The following SLC71A2 variants were observed in gnomAD, a reference collection of about 807,000 sequenced individuals.
SLC71A2 encodes the protein hippocampus abundant transcript-like 1.
At chr9:94,388,219 T>C in the SLC71A2 span, among the ~76,000 whole-genome samples, 4 of 151,374 alleles carry the variant, frequency 2.6e-5, no homozygotes, top group African/African-American at 7.2e-5. Context: ...AAAAGAGTCA[T>C]AAAATGTGTG....
the SLC71A2 span, among the ~76,000 whole-genome samples, chr9:94,435,160 G>A: frequency 5.9e-5 from 9 of 152,152 alleles, no homozygotes; most frequent in Admixed American, 4.6e-4. Flanking sequence ...TGTCACACTT[G>A]GTTGGCTAAA....
At chr9:94,449,556 TTCTAG>T in the SLC71A2 span, among the ~76,000 whole-genome samples, 1 of 152,158 alleles carries the variant, frequency 6.6e-6, no homozygotes, top group East Asian at 1.9e-4. Flanking sequence ...ATTTCACATG[TTCTAG>T]GATGGCTATC....
chr9:94,459,508 A>G, the SLC71A2 span: 1 of 1,351,704 alleles, frequency 7.4e-7, no homozygotes, highest in South Asian at 1.4e-5. Flanking sequence ...GGGAGACGCT[A>G]GCGGCATCCT....
the SLC71A2 span, among the ~76,000 whole-genome samples, chr9:94,455,519 G>A: frequency 1.3e-5 from 2 of 151,662 alleles, no homozygotes; most frequent in Admixed American, 6.6e-5. Context: ...CTAGCCGTCT[G>A]TGACTTTTTA....
chr9:94,450,958 C>T, the SLC71A2 span, among the ~76,000 whole-genome samples: 1 of 152,154 alleles, frequency 6.6e-6, no homozygotes, highest in Non-Finnish European at 1.5e-5. Flanking sequence ...GGTCATACCG[C>T]CAGAGAGCCT....
the SLC71A2 span, among the ~76,000 whole-genome samples, chr9:94,429,699 G>A: frequency 3.3e-5 from 5 of 151,716 alleles, no homozygotes; most frequent in South Asian, 2.1e-4. Flanking sequence ...TCATTATGTC[G>A]ATTTTAATAT....
the SLC71A2 span, among the ~76,000 whole-genome samples, chr9:94,457,434 A>C: frequency 1.4e-5 from 2 of 147,912 alleles, no homozygotes; most frequent in African/African-American, 5.0e-5. Context: ...TATATTGGAA[A>C]GGATGGTTTA....
chr9:94,453,914 G>C, the SLC71A2 span: 1 of 1,262,864 alleles, frequency 7.9e-7, no homozygotes, highest in South Asian at 1.2e-5. Context: ...TTTTAATTCT[G>C]TGTGTTGATG....
the SLC71A2 span, among the ~76,000 whole-genome samples, chr9:94,455,035 C>CACAA: frequency 1.7e-4 from 26 of 151,840 alleles, no homozygotes; most frequent in South Asian, 8.3e-4. Flanking sequence ...TTACTTTGGA[C>CACAA]ACAAACAGAC....
the SLC71A2 span, among the ~76,000 whole-genome samples, chr9:94,443,558 T>C: frequency 4.6e-5 from 7 of 152,190 alleles, no homozygotes; most frequent in African/African-American, 1.4e-4. Context: ...GAGTTTGTTG[T>C]GGGGAAGTCA....
At chr9:94,434,733 A>ACT in the SLC71A2 span, among the ~76,000 whole-genome samples, 3 of 152,116 alleles carry the variant, frequency 2.0e-5, no homozygotes, top group East Asian at 5.8e-4. Flanking sequence ...ACTTATAATA[A>ACT]CTCTAACCAT....
At chr9:94,397,060 GT>G in the SLC71A2 span, among the ~76,000 whole-genome samples, 1 of 152,186 alleles carries the variant, frequency 6.6e-6, no homozygotes, top group East Asian at 1.9e-4. Flanking sequence ...GTGAGCCACC[GT>G]GCCCGGCCTC....
the SLC71A2 span, among the ~76,000 whole-genome samples, chr9:94,447,565 T>C: frequency 6.6e-6 from 1 of 151,532 alleles, no homozygotes; most frequent in African/African-American, 2.4e-5. Context: ...GATATAGAGA[T>C]TTCCCATATA....
chr9:94,425,253 G>A, the SLC71A2 span, among the ~76,000 whole-genome samples: 21 of 152,222 alleles, frequency 1.4e-4, no homozygotes, highest in South Asian at 8.3e-4. Context: ...GTGGTGAGCC[G>A]AGATCGTGCC....
At chr9:94,388,784 A>G in the SLC71A2 span, among the ~76,000 whole-genome samples, 11 of 152,078 alleles carry the variant, frequency 7.2e-5, no homozygotes, top group African/African-American at 1.7e-4. Flanking sequence ...CTTTATTTTC[A>G]TTTATACGTT....
chr9:94,446,224 A>G, the SLC71A2 span, among the ~76,000 whole-genome samples: 1 of 152,234 alleles, frequency 6.6e-6, no homozygotes, highest in Non-Finnish European at 1.5e-5. Context: ...GCTCTGTAGC[A>G]CTTTCCACTC....
the SLC71A2 span, chr9:94,415,374 C>T: frequency 1.4e-5 from 10 of 699,048 alleles, no homozygotes; most frequent in Admixed American, 2.2e-4. Context: ...TTTAAAACAG[C>T]TTGTTTCATT....
the SLC71A2 span, among the ~76,000 whole-genome samples, chr9:94,413,482 A>G: frequency 1.3e-5 from 2 of 152,058 alleles, no homozygotes; most frequent in Non-Finnish European, 1.5e-5. Context: ...ATGTACTCCT[A>G]TCAGTATTCG....
chr9:94,435,057 C>T, the SLC71A2 span, among the ~76,000 whole-genome samples: 6 of 152,170 alleles, frequency 3.9e-5, no homozygotes, highest in Non-Finnish European at 7.3e-5. Context: ...CACCCCTGCC[C>T]CTGTATCCTC....
Sources: gnomAD v4.1 joint callset for allele counts (sites outside exome capture counted in the v4.1 genomes callset) on GRCh38, gnomAD v4.1.1 for gene constraint, MANE v1.5 for transcripts, NCBI Gene and HGNC (gene_info 2026-07-23, HGNC 2026-07-21) for gene names.